SMG1: variants seen among roughly 807,000 people sequenced by gnomAD.
SMG1 encodes the protein SMG1 nonsense mediated mRNA decay associated PI3K related kinase.
In SMG1, 22 loss-of-function variants were observed where a neutral mutation model predicts 419.9. The ratio of observed to expected loss-of-function variants is 0.05; its 90% CI spans 0.04 to 0.07. The LOEUF is 0.07. SMG1 is among the 10% of genes least tolerant of loss of function. The pLI is 1.00. For synonymous variants in SMG1, 1,538 were observed against 1,553.5 expected (o/e 0.99, Z 0.23); for missense variants, 3,185 against 4,342.0 (o/e 0.73, Z 7.49).
In SMG1 at chr16:18,811,741, C is replaced by T; in HGVS notation, c.10908+20G>A. On this transcript the variant is annotated intron_variant, in intron 62 of 62. Transcript: ENST00000446231. ...TCCAGCAGCATTAAAATGTGTAGCC[C>T]AAGTTTAAAACACGGTCACCTGTTC... 3 of 1,606,236 alleles carry T rather than the reference C, an allele frequency of 1.9e-6. No individual in the cohort carries two copies. The highest frequency in any genetic ancestry group is 2.6e-6 in the Non-Finnish European group (3 of 1,172,956).
At chr16:18,880,722 G>GC (rs2036347997) in intron 10 of SMG1, among the ~76,000 whole-genome samples, 1 of 30,944 alleles carries the variant, frequency 3.2e-5, no homozygotes, top group Non-Finnish European at 7.4e-5. Context: ...AAAAAAAAAA[G>GC]GGGGGGGGCG....
At chr16:18,867,621 C>G (rs1388846142) in intron 22 of SMG1, among the ~76,000 whole-genome samples, 1 of 150,776 alleles carries the variant, frequency 6.6e-6, no homozygotes, top group African/African-American at 2.4e-5. Flanking sequence ...AAACTTTGCA[C>G]GTAAGAAATA....
intron 3 of SMG1, among the ~76,000 whole-genome samples, chr16:18,893,222 G>A (rs1186249975): frequency 6.6e-6 from 1 of 152,216 alleles, no homozygotes; most frequent in Non-Finnish European, 1.5e-5. Context: ...TGCAAGGCAT[G>A]CCTCCACTAG....
At chr16:18,848,827 C>T (rs968688161) in intron 36 of SMG1, among the ~76,000 whole-genome samples, 31 of 151,800 alleles carry the variant, frequency 2.0e-4, no homozygotes, top group African/African-American at 2.2e-4. Context: ...AATCCTATCA[C>T]TTTGGGAGGC....
In SMG1 at chr16:18,853,690, T is replaced by C. The variant is rs772353189; in HGVS notation, c.4661A>G (p.Asn1554Ser). 6.8e-6 allele frequency: 11 copies of C among 1,613,752 alleles called. No homozygotes were observed. Among genetic ancestry groups the C allele is most frequent in the East Asian group, 2.2e-5 (1 of 44,878 alleles). The change falls in exon 31 of 63, where the codon AAC becomes AGC. Residue 1554 changes from asparagine to serine, a missense_variant. Physicochemically the swap from Asn to Ser is conservative, Grantham distance 46. This residue lies in a region of SMG1 where 493 missense variants were observed against 552.9 expected (regional missense o/e 0.89). Transcript: ENST00000446231. ...AGACAAAGTAGAAAGACCTGTGAAGTTCTGTTGGTGCTGAGCTCTGTAAAC... is the reference window on the plus strand; with the variant it reads ...AGACAAAGTAGAAAGACCTGTGAAGCTCTGTTGGTGCTGAGCTCTGTAAAC... ...KQVYRAQHQQNFTGLSTLSKN... is the reference protein window; with the variant it reads ...KQVYRAQHQQSFTGLSTLSKN...
chr16:18,819,449 T>G (rs1403652021), intron 56 of SMG1, 53 bp downstream of exon 56: 1 of 1,573,084 alleles, frequency 6.4e-7, no homozygotes, highest in Non-Finnish European at 8.7e-7. Flanking sequence ...TTCCAGCTAC[T>G]CATCTAATCC....
At chr16:18,866,390 G>A (rs1409059924) in intron 23 of SMG1, 2 of 563,854 alleles carry the variant, frequency 3.5e-6, no homozygotes, top group African/African-American at 3.8e-5. Flanking sequence ...TAACTGACAG[G>A]TCTTGTTTTA....
chr16:18,919,650 G>GTGTGTGTATA (rs1314775703), intron 1 of SMG1, among the ~76,000 whole-genome samples: 1 of 82,004 alleles, frequency 1.2e-5, no homozygotes, highest in African/African-American at 5.1e-5. Flanking sequence ...GTGTGTGTGT[G>GTGTGTGTATA]TATATATACA....
chr16:18,890,714 A>C (rs537297052), intron 5 of SMG1, 149 bp downstream of exon 5: 3 of 616,212 alleles, frequency 4.9e-6, no homozygotes, highest in Non-Finnish European at 8.9e-6. Context: ...TTAACACATA[A>C]TTAATGCAGA....
chr16:18,872,158 A>G (rs763105218), intron 15 of SMG1, 26 bp downstream of exon 15: 2 of 1,287,848 alleles, frequency 1.6e-6, no homozygotes, highest in Admixed American at 2.5e-5. Flanking sequence ...AGTTAGGAAT[A>G]GTTAATACTA....
At chr16:18,906,797 G>A (rs1176314484) in intron 1 of SMG1, among the ~76,000 whole-genome samples, 2 of 152,028 alleles carry the variant, frequency 1.3e-5, no homozygotes, top group East Asian at 1.9e-4. Context: ...ACACACACTG[G>A]TCCAATTTCT....
At chr16:18,832,673 G>A (rs866558515) in intron 51 of SMG1, among the ~76,000 whole-genome samples, 34 of 151,442 alleles carry the variant, frequency 2.2e-4, no homozygotes, top group Middle Eastern at 3.4e-3. Context: ...TATCATTGTC[G>A]GTTTCATAGT....
intron 1 of SMG1, among the ~76,000 whole-genome samples, chr16:18,917,279 A>G (rs557607022): frequency 1.8e-4 from 27 of 151,950 alleles, no homozygotes; most frequent in African/African-American, 6.5e-4. Context: ...CAGCCTCCCA[A>G]GTAGCTGGGA....
At chr16:18,847,310 T>C in intron 38 of SMG1, 143 bp downstream of exon 38, 1 of 803,688 alleles carries the variant, frequency 1.2e-6, no homozygotes, top group Non-Finnish European at 2.0e-6. Context: ...AAATGGACCG[T>C]GGTGATGGTT....
In SMG1 at chr16:18,839,966, T is replaced by C; in HGVS notation, c.6697-20A>G. 1 of 1,511,534 alleles carries C rather than the reference T, an allele frequency of 6.6e-7. No homozygotes were observed. Among genetic ancestry groups the C allele is most frequent in the Non-Finnish European group, 8.9e-7 (1 of 1,127,564 alleles). 93.6% of individuals were successfully genotyped at this position (1,511,534 alleles called of 1,614,324 possible). A position where few individuals can be genotyped will look rare whatever the true frequency, so the allele number is the denominator to read the frequency against. On this transcript the variant is annotated intron_variant, in intron 41 of 62. Coordinates refer to ENST00000446231, the MANE Select transcript of SMG1 (RefSeq NM_015092.5). ...TTGGGCCTTAAGAAAAAACAATTTTTTTAAAAAAGAAAAGATCAATTTTAT... is the reference window on the plus strand; with the variant it reads ...TTGGGCCTTAAGAAAAAACAATTTTCTTAAAAAAGAAAAGATCAATTTTAT...
At chr16:18,865,054 C>T (rs2035427169) in intron 23 of SMG1, among the ~76,000 whole-genome samples, 1 of 152,058 alleles carries the variant, frequency 6.6e-6, no homozygotes, top group South Asian at 2.1e-4. Flanking sequence ...GCACAAGTAA[C>T]AGATCTAGAT....
At chr16:18,915,327 A>G (rs1159300865) in intron 1 of SMG1, among the ~76,000 whole-genome samples, 1 of 152,100 alleles carries the variant, frequency 6.6e-6, no homozygotes, top group East Asian at 1.9e-4. Context: ...GTCCATTACA[A>G]TACTGTCCTT....
chr16:18,819,670 G>A lies in SMG1; in HGVS notation c.9742-16C>T. 6.5e-7 allele frequency: 1 copy of A among 1,530,904 alleles called. No homozygotes were observed. Among genetic ancestry groups the A allele is most frequent in the Non-Finnish European group, 8.8e-7 (1 of 1,140,000 alleles). 94.8% of individuals were successfully genotyped at this position (1,530,904 alleles called of 1,614,324 possible). A position where few individuals can be genotyped will look rare whatever the true frequency, so the allele number is the denominator to read the frequency against. ...CTAGCTTCTCCTATAAAAGCCAGCAGAATCTTGGTGAAGGTATATGACATT... is the reference window on the plus strand; with the variant it reads ...CTAGCTTCTCCTATAAAAGCCAGCAAAATCTTGGTGAAGGTATATGACATT... On this transcript the variant is annotated splice_polypyrimidine_tract_variant and intron_variant, in intron 55 of 62. Coordinates refer to ENST00000446231, the MANE Select transcript of SMG1 (RefSeq NM_015092.5).
intron 46 of SMG1, 43 bp from the exon 47 acceptor site, chr16:18,836,575 T>C (rs776646916): frequency 1.0e-5 from 16 of 1,599,230 alleles, no homozygotes; most frequent in Non-Finnish European, 1.3e-5. Context: ...TTTATTGCTG[T>C]TTTCTTCCAC....
Sources: allele counts gnomAD v4.1 joint callset (sites outside exome capture counted in the v4.1 genomes callset), GRCh38; gene constraint gnomAD v4.1.1; regional missense constraint gnomAD v4.1.1; transcripts MANE v1.5; gene names NCBI Gene and HGNC (gene_info 2026-07-23, HGNC 2026-07-21).